CUL2: variants seen among roughly 807,000 people sequenced by gnomAD.
The protein encoded by CUL2 is cullin 2.
CUL2 carries 22 observed loss-of-function variants against 110.2 expected under a neutral mutation model. The ratio of observed to expected loss-of-function variants is 0.20; its 90% confidence interval spans 0.14 to 0.28. The LOEUF (loss-of-function observed/expected upper bound fraction) is 0.28. CUL2 is among the 10% of genes least tolerant of loss of function. The probability of loss-of-function intolerance (pLI) is 1.00; values close to 1 mark genes in which losing one functional copy is unlikely to be tolerated. For synonymous variants in CUL2, 279 were observed against 293.2 expected, an observed-to-expected ratio of 0.95 and a Z score of 0.49; for missense variants, 631 against 905.5, an observed-to-expected ratio of 0.70 and a Z score of 3.89.
intron 1 of CUL2, among the ~76,000 whole-genome samples, chr10:35,089,479 T>C (rs2087147955): frequency 6.6e-6 from 1 of 152,254 alleles, no homozygotes; most frequent in Non-Finnish European, 1.5e-5. Context: ...CGAACGTTAA[T>C]ATTTTGCATC....
chr10:35,052,623 C>T (rs1336634912), intron 5 of CUL2, among the ~76,000 whole-genome samples: 2 of 152,058 alleles, frequency 1.3e-5, no homozygotes, highest in Non-Finnish European at 2.9e-5. Flanking sequence ...TTGGGGGGCG[C>T]GGTGGCTCAT....
rs983794111 is a variant in CUL2, at chr10:35,031,394, T to A, written c.1300-8A>T. 55 of 1,604,288 alleles carry A rather than the reference T, an allele frequency of 3.4e-5. No homozygotes were observed. The Admixed American group carries it at 7.9e-4, about 23-fold the overall frequency. ...CAGCATTCTTGCGTAGAACTACATT[T>A]AAAAATATTTTAAAAGATTACTTCC... On this transcript the variant is annotated splice_polypyrimidine_tract_variant and splice_region_variant and intron_variant, in intron 13 of 20. Coordinates refer to ENST00000374749, the MANE Select transcript of CUL2 (RefSeq NM_003591.4). The surrounding 1 kb of genome is among the most constrained non-coding windows in gnomAD (Gnocchi z 4.4).
intron 18 of CUL2, 78 bp downstream of exon 18, chr10:35,016,114 T>C (rs1588946797): frequency 1.7e-6 from 2 of 1,197,474 alleles, no homozygotes; most frequent in East Asian, 4.8e-5. Context: ...ATTACAGCCT[T>C]ATTTTAAAAC....
intron 17 of CUL2, among the ~76,000 whole-genome samples, chr10:35,017,936 A>G (rs533033539): frequency 6.6e-6 from 1 of 151,882 alleles, no homozygotes; most frequent in African/African-American, 2.4e-5. Context: ...CTAAAGCACG[A>G]AGTTGTGGTT....
At chr10:35,050,769 A>G (rs1260057455) in intron 5 of CUL2, among the ~76,000 whole-genome samples, 1 of 152,248 alleles carries the variant, frequency 6.6e-6, no homozygotes, top group Non-Finnish European at 1.5e-5. Flanking sequence ...ATTTTCTGCT[A>G]CTGGAAACAA....
rs1248314810 is a variant in CUL2, at chr10:35,090,335, C to A, written c.-179G>T. 6.6e-6 allele frequency: 1 copy of A among 152,310 alleles called. No individual in the cohort carries two copies. Among genetic ancestry groups the A allele is most frequent in the African/African-American group, 2.4e-5 (1 of 41,438 alleles). 9.4% of individuals were successfully genotyped at this position (152,310 alleles called of 1,614,324 possible). On this transcript the variant is annotated 5_prime_UTR_variant, in exon 1 of 21. Transcript: ENST00000374749. ...TGCTCACAGCGCTGCCATTACTGTG[C>A]GCCGAGGCCGCCTCCCCGGCCGGCC...
At chr10:35,071,857 G>A (rs2086690550) in intron 1 of CUL2, among the ~76,000 whole-genome samples, 1 of 152,134 alleles carries the variant, frequency 6.6e-6, no homozygotes, top group Admixed American at 6.6e-5. Flanking sequence ...TTCATTACAA[G>A]CTCTAGGAAA....
intron 1 of CUL2, among the ~76,000 whole-genome samples, chr10:35,103,537 A>G (rs1182175905): frequency 6.3e-4 from 93 of 146,904 alleles, no homozygotes; most frequent in Non-Finnish European, 6.9e-4. Flanking sequence ...GTCAGCCAGG[A>G]TGGTCTCGAT....
chr10:35,075,559 C>T (rs1002192886), intron 1 of CUL2, among the ~76,000 whole-genome samples: 1 of 150,912 alleles, frequency 6.6e-6, no homozygotes, highest in African/African-American at 2.4e-5. Flanking sequence ...TTTTAGTTTC[C>T]TTGTGAGTTC....
chr10:35,081,334 TTTC>T (rs1382294816), intron 1 of CUL2, among the ~76,000 whole-genome samples: 1 of 152,224 alleles, frequency 6.6e-6, no homozygotes, highest in Non-Finnish European at 1.5e-5. Flanking sequence ...CTATACTTTG[TTTC>T]TTAAGTTTTC....
Position 35,032,581 on chromosome 10 carries a change from A to G in CUL2, c.1111-87T>C. ...ATATAAGCCATAATCTGTACATCCA[A>G]AAATTACCCCGCCACATAAAACACA... On this transcript the variant is annotated intron_variant, in intron 11 of 20. Transcript: ENST00000374749. The G allele has an allele frequency of 5.2e-6, 5 of 970,636 alleles. No homozygotes were observed. In the South Asian group the frequency reaches 8.4e-5, roughly 16 times the overall value. 60.1% of individuals were successfully genotyped at this position (970,636 alleles called of 1,614,324 possible).
At position 35,106,150 on chromosome 10, in the gene CUL2, TG is replaced by T. The variant is rs1267493339; in HGVS notation, c.-50-5091del. ...GTGGAGGTCTTCTGAATGGGATTAGTGCCTTTACAAAAGAGTTCCCAGAGAG... is the reference window on the plus strand; with the variant it reads ...GTGGAGGTCTTCTGAATGGGATTAGTCCTTTACAAAAGAGTTCCCAGAGAG... On this transcript the variant is annotated intron_variant, in intron 1 of 5. Coordinates refer to the CUL2 transcript ENST00000685421. 1.1e-4 allele frequency among the ~76,000 whole-genome samples: 17 copies of T among 152,252 alleles called. No individual in the cohort carries two copies. In the South Asian group the frequency reaches 3.3e-3, roughly 30 times the overall value.
At chr10:35,115,116 G>A (rs1292627627) in intron 1 of CUL2, among the ~76,000 whole-genome samples, 1 of 152,078 alleles carries the variant, frequency 6.6e-6, no homozygotes, top group Non-Finnish European at 1.5e-5. Context: ...GGAGGCTGAG[G>A]CAGGAGAATC....
At chr10:35,082,155 T>C (rs1249310220) in intron 1 of CUL2, among the ~76,000 whole-genome samples, 2 of 151,268 alleles carry the variant, frequency 1.3e-5, no homozygotes, top group East Asian at 3.9e-4. Flanking sequence ...AAAATTTGCC[T>C]GCAGTGAGTT....
intron 17 of CUL2, among the ~76,000 whole-genome samples, chr10:35,021,266 T>C (rs112414553): frequency 4.0e-5 from 6 of 151,516 alleles, no homozygotes; most frequent in African/African-American, 1.2e-4. Context: ...TTCTTTCTTT[T>C]TTTTTTTTGA....
intron 1 of CUL2, among the ~76,000 whole-genome samples, chr10:35,088,494 C>T (rs1175891752): frequency 2.2e-5 from 2 of 91,654 alleles, no homozygotes; most frequent in Admixed American, 1.5e-4. Flanking sequence ...AGCGAGACTC[C>T]GCCTCAAAAA....
intron 1 of CUL2, among the ~76,000 whole-genome samples, chr10:35,072,647 C>T (rs183841405): frequency 1.4e-3 from 216 of 152,302 alleles, no homozygotes; most frequent in South Asian, 2.5e-3. Flanking sequence ...GGATTACAGG[C>T]GTGAGCCACT....
chr10:35,010,700 CTCTTAGT>C (rs2084878383), intron 20 of CUL2, among the ~76,000 whole-genome samples: 2 of 152,354 alleles, frequency 1.3e-5, no homozygotes, highest in South Asian at 2.1e-4. Flanking sequence ...CAACTCTCAG[CTCTTAGT>C]TCAAACACTT....
intron 1 of CUL2, among the ~76,000 whole-genome samples, chr10:35,078,881 A>C (rs2086883826): frequency 6.6e-6 from 1 of 152,226 alleles, no homozygotes; most frequent in African/African-American, 2.4e-5. Flanking sequence ...AATTATCAGT[A>C]AGATACAATA....
Sources: gnomAD v4.1 joint callset for allele counts (sites outside exome capture counted in the v4.1 genomes callset) on GRCh38, gnomAD v4.1.1 for gene constraint, Gnocchi (gnomAD v3.1) non-coding constraint, MANE v1.5 for transcripts, NCBI Gene and HGNC (gene_info 2026-07-23, HGNC 2026-07-21) for gene names.